SYS1: variants seen among roughly 807,000 people sequenced by gnomAD.
SYS1 encodes SYS1 golgi trafficking protein, also known as protein SYS1 homolog.
A neutral mutation model predicts 17.8 loss-of-function variants in SYS1; 8 were observed. The observed-to-expected ratio is 0.45, with a 90% CI of 0.26 to 0.81. The LOEUF (loss-of-function observed/expected upper bound fraction) is 0.81. Ranked by LOEUF, SYS1 falls within the 40% of genes least tolerant of loss-of-function variation. SYS1 has a pLI of 0.16. For synonymous variants in SYS1, 95 were observed against 90.9 expected, an observed-to-expected ratio of 1.05 and a Z score of -0.26; for missense variants, 161 against 203.9, an observed-to-expected ratio of 0.79 and a Z score of 1.28.
exon 4 of SYS1, chr20:45,376,192 C>G (rs976661176): frequency 6.6e-6 from 1 of 152,158 alleles, no homozygotes; most frequent in African/African-American, 2.4e-5. Context: ...GAAAGAGGAG[C>G]CCAGAAAGGT....
At chr20:45,369,924 C>CTT (rs1441275985), downstream of SYS1, among the ~76,000 whole-genome samples, 1 of 141,164 alleles carries the variant, frequency 7.1e-6, no homozygotes. Context: ...CCCAACTGGC[C>CTT]TTTTTTTTTT....
At chr20:45,374,112 AGGTT>A, downstream of SYS1, 1 of 1,119,198 alleles carries the variant, frequency 8.9e-7, no homozygotes, top group South Asian at 1.2e-5. Flanking sequence ...GGTGTCTGGT[AGGTT>A]GGAAATGCCT....
chr20:45,363,698 G>A lies in SYS1; in HGVS notation c.162+5G>A. 1 of 1,558,984 alleles carries A rather than the reference G, an allele frequency of 6.4e-7. No homozygotes were observed. The highest frequency in any genetic ancestry group is 8.7e-7 in the Non-Finnish European group (1 of 1,154,318). On this transcript the variant is annotated splice_donor_5th_base_variant and intron_variant, in intron 2 of 3. Transcript: ENST00000243918. ...GACCAGATGTTCGACGCCGAGGTAG[G>A]GTCCCCGGACTGGGGCGGGTGGGGT...
At chr20:45,364,703 C>T (rs1988352191) in intron 2 of SYS1, among the ~76,000 whole-genome samples, 1 of 151,868 alleles carries the variant, frequency 6.6e-6, no homozygotes, top group African/African-American at 2.4e-5. Context: ...GATCTCCTGA[C>T]CTCGTGATCC....
exon 4 of SYS1, chr20:45,376,057 G>A (rs900549302): frequency 1.3e-5 from 2 of 153,378 alleles, no homozygotes; most frequent in Non-Finnish European, 2.9e-5. Context: ...ACCAGCCTGG[G>A]CAACATGGTG....
chr20:45,365,544 T>TA (rs1398090465), intron 2 of SYS1, 75 bp from the exon 3 acceptor site: 1 of 1,405,778 alleles, frequency 7.1e-7, no homozygotes, highest in South Asian at 1.2e-5. Context: ...GCTTGTTCCT[T>TA]AGGAGGCTTG....
rs369517018 is a variant in SYS1, at chr20:45,366,989, G to A, written c.345G>A (p.Ser115=). Residue 115 remains serine (S), a synonymous_variant, in exon 4 of 4, where the codon TCG becomes TCA. Coordinates refer to ENST00000243918, the MANE Select transcript of SYS1 (RefSeq NM_033542.4). ...GCWFYSSRFP[S]ALTWWLVQAV... is the part of the protein sequence containing the mutation. ...GGTTCTACAGCTCCCGTTTCCCCTC[G>A]GCGCTGACCTGGTGGCTGGTCCAAG... 9.3e-6 allele frequency: 15 copies of A among 1,614,068 alleles called. 2 individuals carry two copies. The highest frequency in any genetic ancestry group is 6.7e-5 in the East Asian group (3 of 44,884).
In SYS1 at chr20:45,375,759, G is replaced by A. The variant is rs569719174; in HGVS notation, c.*1465G>A. ...GATGTGAGAGATTGGGAAGGTGAAA[G>A]CCATGACTAGTAGTTAAGGCCCCTA... On this transcript the variant is annotated 3_prime_UTR_variant, in exon 4 of 4. Transcript: ENST00000426004. 1,010 of 603,864 alleles carry A rather than the reference G, an allele frequency of 1.7e-3. 1 individual carries two copies. The highest frequency in any genetic ancestry group is 2.5e-3 in the Non-Finnish European group (880 of 348,022). The allele number at this position is 603,864 out of a possible 1,614,324, so 37.4% of individuals were successfully genotyped here.
rs1265512194 is a variant in SYS1 at position 45,368,246 on chromosome 20, G to C, written c.*1131G>C. 1.0e-6 allele frequency: 1 copy of C among 985,274 alleles called. No homozygotes were observed. Among genetic ancestry groups the C allele is most frequent in the African/African-American group, 1.7e-5 (1 of 57,208 alleles). The allele number at this position is 985,274 out of a possible 1,614,324, so 61.0% of individuals were successfully genotyped here. A position where few individuals can be genotyped will look rare whatever the true frequency, so the allele number is the denominator to read the frequency against. On this transcript the variant is annotated 3_prime_UTR_variant, in exon 4 of 4. Transcript: ENST00000243918. ...GGACCCCAGAGTCATTCCTCCATTT[G>C]GTTAAAATACTCAGTGCAGGGAACT...
At chr20:45,374,708 C>A (rs1337239219) in exon 4 of SYS1, 11 of 442,386 alleles carry the variant, frequency 2.5e-5, no homozygotes. Context: ...TCCTTAAACC[C>A]ACTTATGTAG....
rs1266583873 is a variant in SYS1, at chr20:45,363,555, C to A, written c.24C>A (p.Tyr8Ter). The change falls in exon 2 of 4, where the codon TAC becomes TAA. Residue 8 changes from tyrosine to a stop codon, truncating the protein, a stop_gained. Transcript: ENST00000243918. LOFTEE classifies it high-confidence loss of function. MAGQFRS[Y>*]VWDPLLILSQ... Reference sequence around the variant, plus strand: ...GCATGGCGGGTCAGTTCCGCAGCTACGTGTGGGACCCGCTGCTGATCCTGT... The same window carrying A: ...GCATGGCGGGTCAGTTCCGCAGCTAAGTGTGGGACCCGCTGCTGATCCTGT... 2 of 1,577,756 alleles carry A rather than the reference C, an allele frequency of 1.3e-6. No individual in the cohort carries two copies. Among genetic ancestry groups the A allele is most frequent in the Non-Finnish European group, 1.7e-6 (2 of 1,163,268 alleles).
In SYS1 at chr20:45,368,046, G is replaced by C. The variant is rs1988474660; in HGVS notation, c.*931G>C. Reference sequence around the variant, plus strand: ...AATTTGCTGCTAAGATTTTTCTTTGGGGTGGAGTTTCCTCTGTGAGGGGCT... The same window carrying C: ...AATTTGCTGCTAAGATTTTTCTTTGCGGTGGAGTTTCCTCTGTGAGGGGCT... On this transcript the variant is annotated 3_prime_UTR_variant, in exon 4 of 4. Transcript: ENST00000243918. 1 of 985,548 alleles carries C rather than the reference G, an allele frequency of 1.0e-6. No homozygotes were observed. The highest frequency in any genetic ancestry group is 1.2e-6 in the Non-Finnish European group (1 of 830,028). The allele number at this position is 985,548 out of a possible 1,614,324, so 61.1% of individuals were successfully genotyped here.
chr20:45,363,842 T>C, intron 2 of SYS1, 149 bp downstream of exon 2: 2 of 868,814 alleles, frequency 2.3e-6, no homozygotes, highest in East Asian at 2.7e-5. Context: ...CTCAGCTGCC[T>C]CATCCATAAA....
Position 45,368,410 on chromosome 20 carries a change from G to T in SYS1, c.*1295G>T, listed in dbSNP as rs915660115. The T allele has an allele frequency of 3.0e-6, 3 of 985,274 alleles. No homozygotes were observed. The highest frequency in any genetic ancestry group is 6.1e-5 in the Admixed American group (1 of 16,264). The allele number at this position is 985,274 out of a possible 1,614,324, so 61.0% of individuals were successfully genotyped here. ...CGGCACACAGTCTAGACCCACTTCC[G>T]CATTGAAACCTTCACTGTTCCTCTT... On this transcript the variant is annotated 3_prime_UTR_variant, in exon 4 of 4. Coordinates refer to ENST00000243918, the MANE Select transcript of SYS1 (RefSeq NM_033542.4).
exon 4 of SYS1, chr20:45,375,259 CG>C (rs1988693032): frequency 6.2e-7 from 1 of 1,614,008 alleles, no homozygotes; most frequent in African/African-American, 1.3e-5. Context: ...GAAGATGACT[CG>C]GGGGCCCTCG....
chr20:45,368,428 TTC>T lies in SYS1; in HGVS notation c.*1314_*1315del. On this transcript the variant is annotated 3_prime_UTR_variant, in exon 4 of 4. Transcript: ENST00000243918. ...CACTTCCGCATTGAAACCTTCACTG[TTC>T]CTCTTTGGTTTCTTCAGAGCTTTCC... 2 of 985,430 alleles carry T rather than the reference TTC, an allele frequency of 2.0e-6. No individual in the cohort carries two copies. The highest frequency in any genetic ancestry group is 2.4e-6 in the Non-Finnish European group (2 of 829,910). 61.0% of individuals were successfully genotyped at this position (985,430 alleles called of 1,614,324 possible). A position where few individuals can be genotyped will look rare whatever the true frequency, so the allele number is the denominator to read the frequency against.
chr20:45,368,768 G>A lies in SYS1; in HGVS notation c.*1653G>A. ...GACCAGCTGGGATGACCTTCCCTGG[G>A]TTAATCAATTTCCCTCTAGACAACA... On this transcript the variant is annotated 3_prime_UTR_variant, in exon 4 of 4. Transcript: ENST00000243918. 1.0e-6 allele frequency: 1 copy of A among 985,360 alleles called. No individual in the cohort carries two copies. The allele number at this position is 985,360 out of a possible 1,614,324, so 61.0% of individuals were successfully genotyped here. A position where few individuals can be genotyped will look rare whatever the true frequency, so the allele number is the denominator to read the frequency against.
downstream of SYS1, chr20:45,373,814 C>A: frequency 8.1e-7 from 1 of 1,238,552 alleles, no homozygotes; most frequent in Non-Finnish European, 1.2e-6. Flanking sequence ...GACACAGGCT[C>A]CCTCTACCGA....
At chr20:45,373,602 G>A (rs1600754113), downstream of SYS1, 1 of 405,432 alleles carries the variant, frequency 2.5e-6, no homozygotes, top group East Asian at 4.4e-5. Context: ...CTGCCTCCGC[G>A]CCGCGGTTTC....
Sources: gnomAD v4.1 joint callset for allele counts (sites outside exome capture counted in the v4.1 genomes callset) on GRCh38, gnomAD v4.1.1 for gene constraint, MANE v1.5 for transcripts, NCBI Gene and HGNC (gene_info 2026-07-23, HGNC 2026-07-21) for gene names.